Variants in ESRRG observed in about 807,000 individuals in gnomAD.
ESRRG encodes the protein estrogen related receptor gamma.
Under a neutral mutation model 44.0 loss-of-function variants are expected in ESRRG, and 13 were observed. The ratio of observed to expected loss-of-function variants is 0.30; its 90% CI spans 0.19 to 0.47. The LOEUF is 0.47. Among genes scored for constraint, ESRRG ranks in the 20% least tolerant of loss-of-function variants. ESRRG has a pLI of 1.00. For synonymous variants in ESRRG, 215 were observed against 214.6 expected (o/e 1.00, Z -0.02); for missense variants, 395 against 580.6 (o/e 0.68, Z 3.29).
At chr1:216,961,532 C>A (rs1436886) in intron 1 of ESRRG, among the ~76,000 whole-genome samples, 77,359 of 149,810 alleles carry the variant, frequency 0.52, 21,612 homozygotes, top group Middle Eastern at 0.7. Context: ...CATTCCCTGA[C>A]ATAGTCACAA....
chr1:216,916,109 A>G lies in ESRRG; in HGVS notation c.-14+23473T>C, dbSNP rs112819402. Among the ~76,000 whole-genome samples the G allele has an allele frequency of 7.3e-3, 1,117 of 152,254 alleles. 8 individuals are homozygous for G. The highest frequency in any genetic ancestry group is 0.025 in the African/African-American group (1,050 of 41,556). ...CAATTCAAGCATTAACCTTTGATGT[A>G]ACATTTTTGCTCCTCATCAGAATGG... On this transcript the variant is annotated intron_variant, in intron 2 of 7. Transcript: ENST00000359162.
At chr1:216,782,764 A>G (rs17043790) in intron 2 of ESRRG, among the ~76,000 whole-genome samples, 1,936 of 152,158 alleles carry the variant, frequency 0.013, 40 homozygotes, top group African/African-American at 0.045. Flanking sequence ...GATTTCTTTT[A>G]CCAAACTGTG....
intron 1 of ESRRG, among the ~76,000 whole-genome samples, chr1:217,114,992 T>C (rs2092705349): frequency 6.6e-6 from 1 of 152,118 alleles, no homozygotes; most frequent in African/African-American, 2.4e-5. Flanking sequence ...GTGTCTTCTC[T>C]CTGGAGGGAT....
At chr1:217,081,221 C>CTCTTT (rs2091739809) in intron 1 of ESRRG, among the ~76,000 whole-genome samples, 5 of 70,408 alleles carry the variant, frequency 7.1e-5, no homozygotes, top group Non-Finnish European at 1.2e-4. Context: ...TAAAAATATT[C>CTCTTT]TTTTTTTTTT....
intron 1 of ESRRG, among the ~76,000 whole-genome samples, chr1:217,038,050 C>T (rs2083220235): frequency 6.6e-6 from 1 of 152,216 alleles, no homozygotes; most frequent in Non-Finnish European, 1.5e-5. Context: ...GCTGCTTTCA[C>T]AGGCTGGCAT....
At position 216,832,726 on chromosome 1, in the gene ESRRG, G is replaced by T. The variant is rs564488587; in HGVS notation, c.-14+106856C>A. On this transcript the variant is annotated intron_variant, in intron 2 of 7. Transcript: ENST00000359162. ...TGCCGGTAATACTAACACTTTGGGA[G>T]GCCAAGGCAGGTGGATCACCTGGGG... is the stretch of plus-strand genomic sequence containing the variant. Among the ~76,000 whole-genome samples, 5 of 152,266 alleles carry T rather than the reference G, an allele frequency of 3.3e-5. No individual in the cohort carries two copies. In the South Asian group the frequency reaches 1.0e-3, roughly 32 times the overall value.
At chr1:216,548,764 T>C (rs2055344070) in intron 5 of ESRRG, among the ~76,000 whole-genome samples, 1 of 152,094 alleles carries the variant, frequency 6.6e-6, no homozygotes, top group African/African-American at 2.4e-5. Flanking sequence ...TATTCCCCAA[T>C]AGACTCTAAG....
intron 1 of ESRRG, among the ~76,000 whole-genome samples, chr1:216,695,992 G>T (rs1054312365): frequency 3.9e-5 from 6 of 152,164 alleles, no homozygotes; most frequent in Non-Finnish European, 7.4e-5. Context: ...GAAGATGCTG[G>T]CATAGATGCT....
chr1:216,776,269 C>A (rs2093609862), intron 2 of ESRRG, among the ~76,000 whole-genome samples: 1 of 152,008 alleles, frequency 6.6e-6, no homozygotes, highest in Admixed American at 6.6e-5. Context: ...TCCCATAATA[C>A]CCTGTCCTTT....
chr1:216,607,660 T>A (rs887684727), intron 3 of ESRRG, among the ~76,000 whole-genome samples: 2 of 148,312 alleles, frequency 1.3e-5, no homozygotes, highest in Admixed American at 6.6e-5. Flanking sequence ...TATTCCCTAT[T>A]TTCTCAGTGG....
intron 1 of ESRRG, among the ~76,000 whole-genome samples, chr1:216,955,343 C>G (rs1234134317): frequency 6.6e-6 from 1 of 152,188 alleles, no homozygotes; most frequent in Non-Finnish European, 1.5e-5. Context: ...CCTTCAGGTT[C>G]ATCCACATTG....
chr1:216,890,100 A>G (rs1358589006), intron 2 of ESRRG, among the ~76,000 whole-genome samples: 1 of 152,018 alleles, frequency 6.6e-6, no homozygotes, highest in Non-Finnish European at 1.5e-5. Context: ...TCCTGTCTCT[A>G]CAAAAAGTAC....
intron 1 of ESRRG, among the ~76,000 whole-genome samples, chr1:216,950,893 C>T (rs540155376): frequency 1.1e-4 from 16 of 152,222 alleles, no homozygotes; most frequent in African/African-American, 3.9e-4. Flanking sequence ...GAGACACTGA[C>T]CGTGAAATTT....
rs140620099 is a variant in ESRRG at position 216,834,731 on chromosome 1, A to G, written c.-14+104851T>C. On this transcript the variant is annotated intron_variant, in intron 2 of 7. Coordinates refer to the ESRRG transcript ENST00000359162. ...AGATATGAGCTTTGAGGCCCTACTCATGGAAGAATGACAACAACAGATGCT... is the reference window on the plus strand; with the variant it reads ...AGATATGAGCTTTGAGGCCCTACTCGTGGAAGAATGACAACAACAGATGCT... Among the ~76,000 whole-genome samples, 48 of 152,364 alleles carry G rather than the reference A, an allele frequency of 3.2e-4. No homozygotes were observed. In the East Asian group the frequency reaches 8.7e-3, roughly 28 times the overall value.
intron 2 of ESRRG, among the ~76,000 whole-genome samples, chr1:216,659,557 C>A (rs1480582631): frequency 6.6e-6 from 1 of 152,148 alleles, no homozygotes; most frequent in Non-Finnish European, 1.5e-5. Flanking sequence ...TTATCTCTTG[C>A]CACAGTCCCA....
chr1:216,665,264 A>G (rs1281575691), intron 2 of ESRRG, among the ~76,000 whole-genome samples: 1 of 152,116 alleles, frequency 6.6e-6, no homozygotes, highest in African/African-American at 2.4e-5. Flanking sequence ...AAAAATCCTC[A>G]TCTCTATACG....
At chr1:216,510,883 A>AG (rs1280313344) in intron 6 of ESRRG, among the ~76,000 whole-genome samples, 1 of 152,062 alleles carries the variant, frequency 6.6e-6, no homozygotes, top group African/African-American at 2.4e-5. Flanking sequence ...CAAAAAAAAA[A>AG]GAAGAAAACA....
At chr1:216,653,870 T>C (rs1404149240) in intron 2 of ESRRG, among the ~76,000 whole-genome samples, 6 of 151,944 alleles carry the variant, frequency 3.9e-5, no homozygotes, top group Non-Finnish European at 8.8e-5. Context: ...TTCCAACACT[T>C]TGGGAGGCCG....
chr1:217,017,196 G>A (rs1186462013), intron 1 of ESRRG, among the ~76,000 whole-genome samples: 1 of 152,124 alleles, frequency 6.6e-6, no homozygotes, highest in Non-Finnish European at 1.5e-5. Flanking sequence ...TTGTGGAGTA[G>A]AGTGTAATCT....
Sources: gnomAD v4.1 joint callset for allele counts (sites outside exome capture counted in the v4.1 genomes callset) on GRCh38, gnomAD v4.1.1 for gene constraint, MANE v1.5 for transcripts, NCBI Gene and HGNC (gene_info 2026-07-23, HGNC 2026-07-21) for gene names.